Variants in SUPT3H observed in about 807,000 individuals in gnomAD.
SUPT3H encodes the protein transcription initiation protein SPT3 homolog.
Under a neutral mutation model 44.3 loss-of-function variants are expected in SUPT3H, and 44 were observed. The ratio of observed to expected loss-of-function variants is 0.99; its 90% CI spans 0.78 to 1.28. SUPT3H has a LOEUF of 1.28. Ranked by LOEUF, SUPT3H falls within the 50% of genes most tolerant of loss-of-function variation. SUPT3H has a pLI of 0.00. For missense variants in SUPT3H, 380 were observed against 387.1 expected (o/e 0.98, Z 0.15); for synonymous variants, 124 against 125.6 (o/e 0.99, Z 0.09).
At chr6:44,884,417 C>T (rs1245094921) in intron 10 of SUPT3H, among the ~76,000 whole-genome samples, 4 of 152,118 alleles carry the variant, frequency 2.6e-5, no homozygotes, top group African/African-American at 9.7e-5. Context: ...GAGTGTAAAT[C>T]AGTTCAACCA....
In SUPT3H at chr6:45,020,349, A is replaced by G. The variant is rs116436252; in HGVS notation, c.273+197T>C. ...GGTTCGCTGTTAGCACAGTTTTTAT[A>G]TAAGTGCTTTTGTCCACATAATAAA... On this transcript the variant is annotated intron_variant, in intron 4 of 10. Coordinates refer to ENST00000371459, the MANE Select transcript of SUPT3H (RefSeq NM_003599.4). Among the ~76,000 whole-genome samples, 388 of 152,124 alleles carry G rather than the reference A, an allele frequency of 2.6e-3. 2 individuals are homozygous for G. The highest frequency in any genetic ancestry group is 8.5e-3 in the African/African-American group (354 of 41,564).
chr6:45,175,329 A>G (rs1424160398), intron 2 of SUPT3H, among the ~76,000 whole-genome samples: 4 of 152,150 alleles, frequency 2.6e-5, no homozygotes, highest in Non-Finnish European at 2.9e-5. Flanking sequence ...ATGGCTGGGG[A>G]GGCCGCAGGA....
At chr6:44,969,068 C>A (rs1777184776) in intron 6 of SUPT3H, among the ~76,000 whole-genome samples, 2 of 152,164 alleles carry the variant, frequency 1.3e-5, no homozygotes, top group Admixed American at 6.5e-5. Flanking sequence ...GTCCCACCTC[C>A]TCTGGGAAGT....
intron 3 of SUPT3H, among the ~76,000 whole-genome samples, chr6:45,029,353 A>G (rs1583156558): frequency 6.7e-6 from 1 of 150,140 alleles, no homozygotes; most frequent in African/African-American, 2.4e-5. Context: ...GTATATATAT[A>G]TATATATACA....
At chr6:45,296,556 C>G (rs540056783) in intron 2 of SUPT3H, among the ~76,000 whole-genome samples, 1 of 151,438 alleles carries the variant, frequency 6.6e-6, no homozygotes, top group African/African-American at 2.4e-5. Flanking sequence ...CTGGCCAACA[C>G]GGTGAAACCC....
chr6:44,923,474 G>A (rs539867153), intron 10 of SUPT3H, among the ~76,000 whole-genome samples: 6 of 152,080 alleles, frequency 3.9e-5, no homozygotes, highest in South Asian at 4.2e-4. Flanking sequence ...AGTAAGTTAC[G>A]TCTTGGAATT....
intron 10 of SUPT3H, among the ~76,000 whole-genome samples, chr6:44,835,098 G>T (rs1561856199): frequency 6.6e-6 from 1 of 152,014 alleles, no homozygotes; most frequent in East Asian, 1.9e-4. Context: ...TAGCTGAAAG[G>T]TTCTGTGGCA....
At chr6:45,359,153 T>C (rs1034831577) in intron 2 of SUPT3H, among the ~76,000 whole-genome samples, 4 of 152,304 alleles carry the variant, frequency 2.6e-5, no homozygotes. Flanking sequence ...GATAGTAATA[T>C]TTAAATAAAA....
At chr6:45,130,661 A>G (rs1803291186) in intron 2 of SUPT3H, among the ~76,000 whole-genome samples, 1 of 143,322 alleles carries the variant, frequency 7.0e-6, no homozygotes. Context: ...GTGAAAGCAT[A>G]CCTTACAGGA....
rs542845152 is a variant in SUPT3H, at chr6:44,887,607, A to G, written c.912+45046T>C. On this transcript the variant is annotated intron_variant, in intron 10 of 10. Transcript: ENST00000371459. ...CACAACATACCAGAATCTCTGGGAC[A>G]CATTCAAAGCAGTGTGTAGAGGGAA... Among the ~76,000 whole-genome samples, 80 of 152,130 alleles carry G rather than the reference A, an allele frequency of 5.3e-4. 1 individual carries two copies. The highest frequency in any genetic ancestry group is 1.6e-3 in the African/African-American group (66 of 41,494).
chr6:45,373,611 C>A (rs1350534978), intron 1 of SUPT3H, among the ~76,000 whole-genome samples: 2 of 152,000 alleles, frequency 1.3e-5, no homozygotes, highest in Non-Finnish European at 2.9e-5. Flanking sequence ...GAGTGCAGTG[C>A]ACGATCTCGG....
At chr6:45,068,065 A>G (rs1793700729) in intron 3 of SUPT3H, among the ~76,000 whole-genome samples, 1 of 139,962 alleles carries the variant, frequency 7.1e-6, no homozygotes, top group Admixed American at 7.3e-5. Flanking sequence ...AACCAACCCA[A>G]ATGTCCAACA....
intron 3 of SUPT3H, among the ~76,000 whole-genome samples, chr6:45,025,807 C>T (rs550266153): frequency 6.0e-5 from 9 of 151,160 alleles, no homozygotes; most frequent in South Asian, 2.1e-4. Flanking sequence ...GGCGTGAACC[C>T]AAGAGGCGGA....
At chr6:45,050,296 T>C (rs1390554221) in intron 3 of SUPT3H, among the ~76,000 whole-genome samples, 1 of 151,976 alleles carries the variant, frequency 6.6e-6, no homozygotes, top group Non-Finnish European at 1.5e-5. Flanking sequence ...TGTGTGTGTG[T>C]GTGTGTGTGT....
chr6:44,846,003 A>G (rs901774590), intron 10 of SUPT3H, among the ~76,000 whole-genome samples: 1 of 152,084 alleles, frequency 6.6e-6, no homozygotes, highest in African/African-American at 2.4e-5. Flanking sequence ...ACCCTGTAAC[A>G]CACGCCCACT....
chr6:45,299,707 G>A (rs1292409858), intron 2 of SUPT3H, among the ~76,000 whole-genome samples: 1 of 148,990 alleles, frequency 6.7e-6, no homozygotes, highest in Admixed American at 6.7e-5. Flanking sequence ...TTAAGCCAAG[G>A]AGTTTCAGAC....
At chr6:45,037,035 A>T (rs1787776754) in intron 3 of SUPT3H, among the ~76,000 whole-genome samples, 1 of 152,172 alleles carries the variant, frequency 6.6e-6, no homozygotes, top group South Asian at 2.1e-4. Flanking sequence ...TTGACAAGAG[A>T]GTCGCACTCA....
rs5875893 is a variant in SUPT3H at position 44,813,576 on chromosome 6, G to GAA, written c.*53-4077_*53-4076dup. Among the ~76,000 whole-genome samples, 201 of 135,164 alleles carry GAA rather than the reference G, an allele frequency of 1.5e-3. 1 individual carries two copies. The highest frequency in any genetic ancestry group is 4.8e-3 in the South Asian group (21 of 4,352). 88.7% of individuals were successfully genotyped at this position (135,164 alleles called of 152,430 possible). On this transcript the variant is annotated intron_variant and NMD_transcript_variant, in intron 11 of 11. Transcript: ENST00000475057. The stretch of plus-strand genomic sequence containing the variant: ...AGCAGGAGGCACTGAAAACCAAGAG[G>GAA]AAAAAAAAAAAAACAGACAACAGAA...
chr6:45,233,630 C>A (rs1156482471), intron 2 of SUPT3H, among the ~76,000 whole-genome samples: 1 of 152,240 alleles, frequency 6.6e-6, no homozygotes, highest in Non-Finnish European at 1.5e-5. Context: ...CAATGGCTTC[C>A]TTCTTCTGTG....
Sources: gnomAD v4.1 joint callset for allele counts (sites outside exome capture counted in the v4.1 genomes callset) on GRCh38, gnomAD v4.1.1 for gene constraint, MANE v1.5 for transcripts, NCBI Gene and HGNC (gene_info 2026-07-23, HGNC 2026-07-21) for gene names.